STPG2: variants seen among roughly 807,000 people sequenced by gnomAD.
STPG2 encodes sperm-tail PG-rich repeat-containing protein 2.
STPG2 carries 56 observed loss-of-function variants against 54.2 expected under a neutral mutation model. The observed-to-expected ratio is 1.03, with a 90% CI of 0.83 to 1.29. The LOEUF (loss-of-function observed/expected upper bound fraction) is 1.29, where lower values mean the gene tolerates loss of function less well. Ranked by LOEUF, STPG2 falls within the 50% of genes most tolerant of loss-of-function variation. The probability of loss-of-function intolerance (pLI) is 0.00; values close to 1 mark genes in which losing one functional copy is unlikely to be tolerated. For missense variants in STPG2, 596 were observed against 544.9 expected (o/e 1.09, Z -0.93); for synonymous variants, 200 against 181.8 (o/e 1.10, Z -0.81).
chr4:97,803,019 A>G (rs963094464), intron 9 of STPG2, among the ~76,000 whole-genome samples: 32 of 152,310 alleles, frequency 2.1e-4, no homozygotes, highest in African/African-American at 7.7e-4. Context: ...ACCACCCCAT[A>G]AAATATAATG....
intron 9 of STPG2, among the ~76,000 whole-genome samples, chr4:97,804,765 C>T (rs1455477343): frequency 6.6e-6 from 1 of 152,144 alleles, no homozygotes; most frequent in Non-Finnish European, 1.5e-5. Flanking sequence ...GTGCCCTATA[C>T]AGGTGTACCA....
intron 9 of STPG2, among the ~76,000 whole-genome samples, chr4:97,806,259 T>C (rs533168882): frequency 6.6e-6 from 1 of 152,210 alleles, no homozygotes; most frequent in East Asian, 1.9e-4. Context: ...AGTTAATTAA[T>C]TCAGAAGCAG....
chr4:98,117,974 T>A (rs923713118), intron 3 of STPG2, among the ~76,000 whole-genome samples: 1 of 152,142 alleles, frequency 6.6e-6, no homozygotes, highest in Non-Finnish European at 1.5e-5. Context: ...GCCATTTTTT[T>A]ATTATTTGCA....
chr4:97,621,554 T>C (rs115828717), intron 10 of STPG2, among the ~76,000 whole-genome samples: 2,355 of 152,154 alleles, frequency 0.015, 49 homozygotes, highest in African/African-American at 0.054. Context: ...CCTGGACACA[T>C]ACAACCTACC....
intron 3 of STPG2, among the ~76,000 whole-genome samples, chr4:98,110,705 C>T (rs1314918859): frequency 1.3e-5 from 2 of 152,068 alleles, no homozygotes; most frequent in African/African-American, 4.8e-5. Context: ...CTAAAACTTG[C>T]CTTGGTCTCT....
At chr4:97,657,873 A>G (rs1722258851) in intron 10 of STPG2, among the ~76,000 whole-genome samples, 1 of 152,230 alleles carries the variant, frequency 6.6e-6, no homozygotes, top group South Asian at 2.1e-4. Context: ...CTCATCCATG[A>G]ACACGTCTAT....
intron 9 of STPG2, among the ~76,000 whole-genome samples, chr4:97,801,513 C>T (rs1727396893): frequency 6.6e-6 from 1 of 152,022 alleles, no homozygotes; most frequent in African/African-American, 2.4e-5. Context: ...TTTCTTTTGC[C>T]AGTAATATAG....
intron 8 of STPG2, among the ~76,000 whole-genome samples, chr4:97,905,468 G>C (rs1731370470): frequency 6.6e-6 from 1 of 151,982 alleles, no homozygotes. Flanking sequence ...GCCAAACATG[G>C]AAAGGAACAA....
At chr4:98,118,307 G>A (rs981962227) in intron 3 of STPG2, among the ~76,000 whole-genome samples, 3 of 151,040 alleles carry the variant, frequency 2.0e-5, no homozygotes, top group Admixed American at 6.6e-5. Flanking sequence ...CTTGTGTAGA[G>A]CCTCAAGGTC....
At chr4:97,655,168 T>A (rs961043781) in intron 10 of STPG2, among the ~76,000 whole-genome samples, 3 of 152,074 alleles carry the variant, frequency 2.0e-5, no homozygotes, top group Non-Finnish European at 4.4e-5. Context: ...TAGTCTAATA[T>A]AGAAAATCTA....
At chr4:97,952,123 G>A (rs1179341430) in intron 7 of STPG2, among the ~76,000 whole-genome samples, 1 of 152,118 alleles carries the variant, frequency 6.6e-6, no homozygotes, top group Non-Finnish European at 1.5e-5. Context: ...GTATAGAGGA[G>A]TTCTGACTCT....
chr4:98,086,432 C>G (rs1738514726), intron 5 of STPG2, among the ~76,000 whole-genome samples: 1 of 151,916 alleles, frequency 6.6e-6, no homozygotes, highest in South Asian at 2.1e-4. Context: ...TAAGAAAGCA[C>G]TCTGCTTCAT....
intron 4 of STPG2, among the ~76,000 whole-genome samples, chr4:98,108,795 C>G (rs564505704): frequency 6.6e-6 from 1 of 151,682 alleles, no homozygotes; most frequent in African/African-American, 2.4e-5. Context: ...ATTAACTATG[C>G]AAAGCTTGCT....
chr4:98,100,299 C>T (rs984179112), intron 5 of STPG2, among the ~76,000 whole-genome samples: 9 of 152,054 alleles, frequency 5.9e-5, no homozygotes, highest in African/African-American at 2.2e-4. Flanking sequence ...AGATATTTGT[C>T]CTCTAAGAAC....
chr4:97,990,131 TAAG>T lies in STPG2; in HGVS notation c.613-8816_613-8814del, dbSNP rs1174623601. On this transcript the variant is annotated intron_variant, in intron 5 of 10. Transcript: ENST00000295268. ...AATTATAAATGAATATACTTCAACT[TAAG>T]AAGAATTTTTTGCATAAATGGACAA... Among the ~76,000 whole-genome samples, 10 of 152,324 alleles carry T rather than the reference TAAG, an allele frequency of 6.6e-5. No homozygotes were observed. The East Asian group carries it at 1.7e-3, about 26-fold the overall frequency.
intron 10 of STPG2, among the ~76,000 whole-genome samples, chr4:97,619,789 A>C (rs1343905310): frequency 6.6e-6 from 1 of 150,802 alleles, no homozygotes; most frequent in Non-Finnish European, 1.5e-5. Context: ...TTTTCACATC[A>C]GAGTCTTCAT....
chr4:97,545,318 A>G (rs1276619352), intron 4 of STPG2, among the ~76,000 whole-genome samples: 1 of 152,166 alleles, frequency 6.6e-6, no homozygotes, highest in African/African-American at 2.4e-5. Flanking sequence ...GGCTCATAAA[A>G]AAGGGCTGGG....
At chr4:97,677,814 T>C (rs1291939511) in intron 10 of STPG2, among the ~76,000 whole-genome samples, 1 of 152,158 alleles carries the variant, frequency 6.6e-6, no homozygotes, top group Non-Finnish European at 1.5e-5. Flanking sequence ...CATATGAGCC[T>C]TAAGCTCCCT....
chr4:97,841,617 T>C (rs1019463176), intron 8 of STPG2, among the ~76,000 whole-genome samples: 4 of 151,816 alleles, frequency 2.6e-5, no homozygotes, highest in Non-Finnish European at 5.9e-5. Context: ...TGAAATCTAT[T>C]CACCTAGATT....
Sources: gnomAD v4.1 joint callset for allele counts (sites outside exome capture counted in the v4.1 genomes callset) on GRCh38, gnomAD v4.1.1 for gene constraint, MANE v1.5 for transcripts, NCBI Gene and HGNC (gene_info 2026-07-23, HGNC 2026-07-21) for gene names.